Variants in ARMCX4 observed in about 807,000 individuals in gnomAD.
ARMCX4 encodes armadillo repeat containing X-linked 4, also known as armadillo repeat-containing X-linked protein 4.
Under a neutral mutation model 34.7 loss-of-function variants are expected in ARMCX4, and 3 were observed. The ratio of observed to expected loss-of-function variants is 0.09; its 90% CI spans 0.04 to 0.22. The LOEUF (loss-of-function observed/expected upper bound fraction) is 0.22. Ranked by LOEUF, ARMCX4 falls within the 10% of genes least tolerant of loss-of-function variation. The pLI is 1.00. For missense variants in ARMCX4, 1,448 were observed against 1,720.8 expected, an observed-to-expected ratio of 0.84 and a Z score of 2.81; for synonymous variants, 513 against 632.8, an observed-to-expected ratio of 0.81 and a Z score of 2.84.
intron 4 of ARMCX4, among the ~76,000 whole-genome samples, chrX:101,461,816 T>A (rs782561746): frequency 8.0e-4 from 90 of 112,495 alleles, no homozygotes; most frequent in Non-Finnish European, 1.5e-3. Flanking sequence ...TTTGTAATAA[T>A]TTTAAATTTA....
chrX:101,461,800 C>T (rs1200144639), intron 4 of ARMCX4, among the ~76,000 whole-genome samples: 1 of 111,579 alleles, frequency 9.0e-6, no homozygotes, highest in African/African-American at 3.3e-5. Flanking sequence ...TAAAACTAAA[C>T]TTTATTTTGT....
Position 101,490,750 on chromosome X carries a change from T to C in ARMCX4, c.2161T>C (p.Leu721=). The C allele has an allele frequency of 8.7e-7, 1 of 1,151,935 alleles. No homozygotes were observed. The highest frequency in any genetic ancestry group is 1.1e-6 in the Non-Finnish European group (1 of 871,655). 94.9% of individuals were successfully genotyped at this position (1,151,935 alleles called of 1,213,427 possible). ...QIVANSQGEV[L]PGAKNKIRGN... ...TGTGGCCAATTCCCAGGGTGAGGTC[T>C]TGCCTGGTGCCAAGAATAAGATCAG... The change falls in exon 6 of 6, where the codon TTG becomes CTG. Residue 721 remains leucine (L), a synonymous_variant. Coordinates refer to ENST00000423738, the MANE Select transcript of ARMCX4 (RefSeq NM_001256155.3).
At chrX:101,468,466 A>AT (rs1213250297) in intron 4 of ARMCX4, among the ~76,000 whole-genome samples, 1 of 102,182 alleles carries the variant, frequency 9.8e-6, no homozygotes, top group Non-Finnish European at 2.0e-5. Flanking sequence ...TAATTTTTGT[A>AT]TTTTTTTGTG....
chrX:101,458,983 A>C (rs1932472196), intron 4 of ARMCX4, among the ~76,000 whole-genome samples: 1 of 112,260 alleles, frequency 8.9e-6, no homozygotes, highest in Admixed American at 9.5e-5. Flanking sequence ...TCCTTGATAA[A>C]AACCATTCCC....
At chrX:101,464,866 C>T (rs1932765116) in intron 4 of ARMCX4, among the ~76,000 whole-genome samples, 1 of 111,794 alleles carries the variant, frequency 8.9e-6, no homozygotes, top group African/African-American at 3.2e-5. Flanking sequence ...TATAGAAAAT[C>T]TCACAGGCTT....
chrX:101,433,386 A>G (rs1250214942), intron 2 of ARMCX4, among the ~76,000 whole-genome samples: 2 of 104,580 alleles, frequency 1.9e-5, no homozygotes, highest in Non-Finnish European at 3.9e-5. Flanking sequence ...ACATATATGT[A>G]CATATATACA....
intron 11 of ARMCX4, among the ~76,000 whole-genome samples, chrX:101,524,970 T>C (rs1934933196): frequency 8.9e-6 from 1 of 111,873 alleles, no homozygotes. Flanking sequence ...TAGTTTAGGC[T>C]CTGAGAATGG....
intron 1 of ARMCX4, chrX:101,418,896 T>C (rs1929066104): frequency 9.1e-6 from 1 of 109,529 alleles, no homozygotes. Context: ...TAAATCCTTA[T>C]CCTTCTGTTC....
intron 4 of ARMCX4, among the ~76,000 whole-genome samples, chrX:101,477,712 G>A (rs781917509): frequency 1.8e-5 from 2 of 109,888 alleles, no homozygotes; most frequent in Non-Finnish European, 1.9e-5. Context: ...CACAGAAAAA[G>A]AAAACTATAA....
chrX:101,444,844 G>A (rs2143595), intron 3 of ARMCX4, among the ~76,000 whole-genome samples: 7,008 of 101,646 alleles, frequency 0.069, 221 homozygotes, highest in African/African-American at 0.13. Flanking sequence ...TGTGTGTGTG[G>A]TAAAGGCACT....
At chrX:101,477,934 A>G (rs1556004700) in intron 4 of ARMCX4, among the ~76,000 whole-genome samples, 2 of 112,248 alleles carry the variant, frequency 1.8e-5, no homozygotes, top group Non-Finnish European at 3.8e-5. Context: ...CAAATTAAAC[A>G]TCCATTCCTG....
At chrX:101,498,293 C>T (rs1278119432), downstream of ARMCX4, 26 of 294,557 alleles carry the variant, frequency 8.8e-5, no homozygotes, top group South Asian at 5.8e-4. Context: ...AGATGAATCA[C>T]CTGCTACCCA....
chrX:101,494,794 A>C lies in ARMCX4; in HGVS notation c.6205A>C (p.Ser2069Arg). 4.3e-6 allele frequency: 5 copies of C among 1,153,982 alleles called. No homozygotes were observed. The highest frequency in any genetic ancestry group is 5.7e-6 in the Non-Finnish European group (5 of 870,998). ...AATAGCCAATAATGCTTTATATAAC[A>C]GTGCTGATTATTCTTATTCTCATGA... Reference protein sequence around the residue: ...HEIANNALYNSADYSYSHEVV... With the variant: ...HEIANNALYNRADYSYSHEVV... Residue 2069 changes from serine to arginine, a missense_variant, in exon 6 of 6, where the codon AGT (serine) becomes CGT (arginine). Transcript: ENST00000423738.
At chrX:101,433,176 A>G (rs1453542810) in intron 2 of ARMCX4, among the ~76,000 whole-genome samples, 1 of 91,962 alleles carries the variant, frequency 1.1e-5, no homozygotes, top group South Asian at 5.0e-4. Context: ...ATACATGTGT[A>G]TATACACGCA....
chrX:101,456,499 A>ATT (rs1932289537), intron 4 of ARMCX4, among the ~76,000 whole-genome samples: 1 of 111,254 alleles, frequency 9.0e-6, no homozygotes, highest in African/African-American at 3.3e-5. Context: ...TCCTTTGCCC[A>ATT]TTTTTAATGG....
chrX:101,454,471 A>G (rs782451146), intron 4 of ARMCX4, among the ~76,000 whole-genome samples: 1 of 105,016 alleles, frequency 9.5e-6, no homozygotes, highest in Non-Finnish European at 1.9e-5. Flanking sequence ...TTTTTTCAGT[A>G]GAGATGGGGT....
chrX:101,530,972 C>T (rs781906974), intron 11 of ARMCX4, among the ~76,000 whole-genome samples: 2 of 111,881 alleles, frequency 1.8e-5, no homozygotes, highest in South Asian at 7.5e-4. Flanking sequence ...AAAATGTTAC[C>T]ACACACTCAA....
intron 2 of ARMCX4, among the ~76,000 whole-genome samples, chrX:101,427,867 C>T (rs1555991267): frequency 8.9e-6 from 1 of 111,764 alleles, no homozygotes; most frequent in African/African-American, 3.3e-5. Context: ...ATGAGAATGG[C>T]ACCAAGCCAA....
chrX:101,499,445 G>A (rs1426640166), downstream of ARMCX4: 3 of 111,566 alleles, frequency 2.7e-5, no homozygotes, highest in East Asian at 8.4e-4. Flanking sequence ...GGATCCAAAG[G>A]ACAAACCATT....
Sources: allele counts gnomAD v4.1 joint callset (sites outside exome capture counted in the v4.1 genomes callset), GRCh38; gene constraint gnomAD v4.1.1; transcripts MANE v1.5; gene names NCBI Gene and HGNC (gene_info 2026-07-23, HGNC 2026-07-21).